Variants in HIBADH observed in about 807,000 individuals in gnomAD.
The protein encoded by HIBADH is 3-hydroxyisobutyrate dehydrogenase, also known as 3-hydroxyisobutyrate dehydrogenase, mitochondrial.
Under a neutral mutation model 36.1 loss-of-function variants are expected in HIBADH, and 25 were observed. That is an observed-to-expected ratio of 0.69 (90% CI 0.50 to 0.97). The LOEUF is 0.97. HIBADH is among the 50% of genes least tolerant of loss of function. HIBADH has a pLI of 0.00. For missense variants in HIBADH, 421 were observed against 418.0 expected (o/e 1.01, Z -0.06); for synonymous variants, 160 against 149.5 (o/e 1.07, Z -0.51).
chr7:27,535,666 T>C (rs1263718739), intron 6 of HIBADH, among the ~76,000 whole-genome samples: 1 of 152,048 alleles, frequency 6.6e-6, no homozygotes, highest in Non-Finnish European at 1.5e-5. Context: ...ATGCTTCTAA[T>C]GCCTATGTAG....
chr7:27,624,149 C>G (rs1016838563), intron 4 of HIBADH, among the ~76,000 whole-genome samples: 1 of 151,722 alleles, frequency 6.6e-6, no homozygotes, highest in African/African-American at 2.4e-5. Context: ...TCTAAATATT[C>G]AATGCAATCT....
chr7:27,625,822 C>T lies in HIBADH; in HGVS notation c.484+3549G>A, dbSNP rs1217246105. Among the ~76,000 whole-genome samples the T allele has an allele frequency of 5.3e-5, 8 of 152,074 alleles. 1 individual carries two copies. Among genetic ancestry groups the T allele is most frequent in the Non-Finnish European group, 8.8e-5 (6 of 68,004 alleles). On this transcript the variant is annotated intron_variant, in intron 4 of 7. Coordinates refer to ENST00000265395, the MANE Select transcript of HIBADH (RefSeq NM_152740.4). ...TCTGATAAAGATGTACACTTTAAGG[C>T]CAGGCATGGTGGCTCACGCCTGTAT...
rs1783891468 is a variant in HIBADH, at chr7:27,526,078, T to C, written c.*136A>G. 1 of 641,402 alleles carries C rather than the reference T, an allele frequency of 1.6e-6. No homozygotes were observed. The highest frequency in any genetic ancestry group is 2.3e-6 in the Non-Finnish European group (1 of 435,602). The allele number at this position is 641,402 out of a possible 1,614,324, so 39.7% of individuals were successfully genotyped here. On this transcript the variant is annotated 3_prime_UTR_variant, in exon 8 of 8. Transcript: ENST00000265395. ...AAAAAGAATAAGCGGTGAAAAATCC[T>C]AGGGATTACTGTGACCTAGACAATC...
chr7:27,645,094 G>A (rs746389348), intron 2 of HIBADH, among the ~76,000 whole-genome samples: 11 of 151,970 alleles, frequency 7.2e-5, no homozygotes, highest in South Asian at 2.1e-4. Flanking sequence ...CCACTTTTTC[G>A]TGATGATGAA....
At chr7:27,650,712 TAA>T (rs59073946) in intron 1 of HIBADH, among the ~76,000 whole-genome samples, 88,967 of 125,914 alleles carry the variant, frequency 0.71, 30,924 homozygotes, top group African/African-American at 0.85. Flanking sequence ...AGGCTGCCAT[TAA>T]AAAAAAAAAA....
chr7:27,540,992 G>C (rs1386755703), intron 5 of HIBADH, among the ~76,000 whole-genome samples: 2 of 152,128 alleles, frequency 1.3e-5, no homozygotes, highest in Admixed American at 1.3e-4. Flanking sequence ...AGCCTCAGAA[G>C]TTAGCAACTT....
intron 4 of HIBADH, among the ~76,000 whole-genome samples, chr7:27,619,093 G>A (rs1785489958): frequency 1.3e-5 from 2 of 152,118 alleles, no homozygotes; most frequent in Non-Finnish European, 2.9e-5. Flanking sequence ...CACCACTAGG[G>A]CCTGAACACT....
At chr7:27,531,433 T>C in intron 6 of HIBADH, 85 bp from the exon 7 acceptor site, 1 of 1,184,658 alleles carries the variant, frequency 8.4e-7, no homozygotes, top group Non-Finnish European at 1.2e-6. Flanking sequence ...ATGCTCCATC[T>C]TCTCTCTCCA....
chr7:27,613,319 T>A (rs1290846362), intron 4 of HIBADH, among the ~76,000 whole-genome samples: 1 of 138,872 alleles, frequency 7.2e-6, no homozygotes, highest in African/African-American at 2.7e-5. Context: ...TATATATATA[T>A]AAAAGAATAA....
chr7:27,574,565 T>C (rs1027604166), intron 4 of HIBADH, among the ~76,000 whole-genome samples: 4 of 152,124 alleles, frequency 2.6e-5, no homozygotes, highest in African/African-American at 9.7e-5. Context: ...CATAACTAAG[T>C]ACATAGATAG....
intron 4 of HIBADH, among the ~76,000 whole-genome samples, chr7:27,547,120 TTC>T (rs1443585667): frequency 2.0e-5 from 3 of 152,186 alleles, no homozygotes; most frequent in African/African-American, 7.2e-5. Flanking sequence ...CCTATTTCAT[TTC>T]ATATCATTCT....
At chr7:27,569,293 G>A (rs1165818438) in intron 4 of HIBADH, among the ~76,000 whole-genome samples, 2 of 152,052 alleles carry the variant, frequency 1.3e-5, no homozygotes, top group African/African-American at 4.8e-5. Context: ...TAAAACATCT[G>A]GGTAATCTCA....
intron 4 of HIBADH, among the ~76,000 whole-genome samples, chr7:27,589,274 AATTT>A (rs1784907636): frequency 6.6e-6 from 1 of 152,152 alleles, no homozygotes; most frequent in Non-Finnish European, 1.5e-5. Context: ...GGAAAACCTT[AATTT>A]TTTTGTTTTA....
chr7:27,550,420 A>T (rs1227954262), intron 4 of HIBADH, among the ~76,000 whole-genome samples: 1 of 152,116 alleles, frequency 6.6e-6, no homozygotes, highest in East Asian at 1.9e-4. Context: ...TTGTCAGTGA[A>T]TCCTAATTAC....
chr7:27,654,471 G>C (rs948493088), intron 1 of HIBADH, among the ~76,000 whole-genome samples: 1 of 151,996 alleles, frequency 6.6e-6, no homozygotes, highest in Admixed American at 6.6e-5. Context: ...ACAGGAAAAA[G>C]GACACACTAT....
At chr7:27,532,501 T>C (rs1387400493) in intron 6 of HIBADH, among the ~76,000 whole-genome samples, 2 of 152,216 alleles carry the variant, frequency 1.3e-5, no homozygotes, top group South Asian at 2.1e-4. Context: ...AAACATTTTT[T>C]CAGATGCTAG....
At chr7:27,565,179 C>T (rs763498843) in intron 4 of HIBADH, among the ~76,000 whole-genome samples, 2 of 152,148 alleles carry the variant, frequency 1.3e-5, no homozygotes, top group Non-Finnish European at 2.9e-5. Flanking sequence ...ATAGCCCCTA[C>T]ACCCCAAAAC....
intron 5 of HIBADH, 33 bp from the exon 6 acceptor site, chr7:27,538,450 G>C (rs1252488482): frequency 3.2e-6 from 5 of 1,572,200 alleles, no homozygotes; most frequent in Non-Finnish European, 4.4e-6. Context: ...TTAAATATCT[G>C]TATTTTCAAG....
At chr7:27,594,234 C>T (rs1348725136) in intron 4 of HIBADH, among the ~76,000 whole-genome samples, 1 of 150,878 alleles carries the variant, frequency 6.6e-6, no homozygotes, top group African/African-American at 2.4e-5. Flanking sequence ...ACCTCCTCCT[C>T]CTGGGTTCAA....
Sources: allele counts gnomAD v4.1 joint callset (sites outside exome capture counted in the v4.1 genomes callset), GRCh38; gene constraint gnomAD v4.1.1; transcripts MANE v1.5; gene names NCBI Gene and HGNC (gene_info 2026-07-23, HGNC 2026-07-21).